Variants in UBAP2 observed in about 807,000 individuals in gnomAD.
UBAP2 encodes the protein ubiquitin-associated protein 2.
In UBAP2, 75 loss-of-function variants were observed where a neutral mutation model predicts 139.6. The observed-to-expected ratio is 0.54, with a 90% CI of 0.45 to 0.65. The LOEUF is 0.65. UBAP2 is among the 30% of genes least tolerant of loss of function. The probability of loss-of-function intolerance (pLI) is 0.00; values close to 1 mark genes in which losing one functional copy is unlikely to be tolerated. For synonymous variants in UBAP2, 526 were observed against 526.2 expected, an observed-to-expected ratio of 1.00 and a Z score of 0.01; for missense variants, 1,368 against 1,369.6, an observed-to-expected ratio of 1.00 and a Z score of 0.02.
intron 2 of UBAP2, among the ~76,000 whole-genome samples, chr9:34,003,314 C>A (rs915711095): frequency 1.3e-5 from 2 of 150,620 alleles, no homozygotes; most frequent in Admixed American, 1.3e-4. Flanking sequence ...TACAGGTATG[C>A]ACCACTGTGG....
intron 1 of UBAP2, among the ~76,000 whole-genome samples, chr9:34,032,569 T>C (rs944731812): frequency 1.3e-5 from 2 of 152,142 alleles, no homozygotes; most frequent in Non-Finnish European, 2.9e-5. Flanking sequence ...ACAAGTTCAA[T>C]AAAACAATTT....
rs1820187613 is a variant in UBAP2, at chr9:33,977,013, G to GA, written c.521-3777dup. On this transcript the variant is annotated intron_variant, in intron 6 of 28. Coordinates refer to ENST00000379238, the MANE Select transcript of UBAP2 (RefSeq NM_001370062.2). ...GGTGACAAAGTAAGACTCGGTCTTG[G>GA]AAAAAACAAAAACAGTTGTTTTTTA... 4.8e-5 allele frequency among the ~76,000 whole-genome samples: 7 copies of GA among 146,820 alleles called. No homozygotes were observed. In the South Asian group the frequency reaches 1.5e-3, roughly 32 times the overall value.
intron 10 of UBAP2, among the ~76,000 whole-genome samples, chr9:33,957,841 T>C (rs542071358): frequency 6.6e-6 from 1 of 152,142 alleles, no homozygotes; most frequent in Non-Finnish European, 1.5e-5. Context: ...GAGGAGACAG[T>C]AGGTGTTCAT....
rs1005284313 is a variant in UBAP2, at chr9:33,989,043, G to A, written c.372C>T (p.Ser124=). 7 of 1,613,318 alleles carry A rather than the reference G, an allele frequency of 4.3e-6. No homozygotes were observed. The highest frequency in any genetic ancestry group is 4.0e-5 in the African/African-American group (3 of 74,786). ...SENKENREKK[S]EKESSRGRGN... ...CACGTCCACGACTCGATTCTTTCTC[G>A]CTTTTCTTCTCTCTATTCTCTTTGT... The change falls in exon 5 of 29, where the codon AGC becomes AGT. Residue 124 remains serine, a synonymous_variant. Transcript: ENST00000379238.
intron 16 of UBAP2, among the ~76,000 whole-genome samples, chr9:33,937,210 A>C (rs1472775260): frequency 6.6e-6 from 1 of 152,198 alleles, no homozygotes; most frequent in Non-Finnish European, 1.5e-5. Context: ...TGGAAAATCA[A>C]CAAGTAGCAA....
At chr9:34,013,132 A>C (rs912694670) in intron 2 of UBAP2, among the ~76,000 whole-genome samples, 1 of 147,324 alleles carries the variant, frequency 6.8e-6, no homozygotes, top group African/African-American at 2.6e-5. Flanking sequence ...CAGCCTGGGC[A>C]ACAGAGTGAG....
At chr9:34,026,695 T>C (rs1825426559) in intron 1 of UBAP2, among the ~76,000 whole-genome samples, 1 of 152,184 alleles carries the variant, frequency 6.6e-6, no homozygotes, top group Non-Finnish European at 1.5e-5. Flanking sequence ...CAGTATTAAG[T>C]CACTAATCTT....
At chr9:33,987,005 A>G (rs1821275068) in intron 5 of UBAP2, among the ~76,000 whole-genome samples, 168 bp from the exon 6 acceptor site, 2 of 152,198 alleles carry the variant, frequency 1.3e-5, no homozygotes, top group Non-Finnish European at 2.9e-5. Flanking sequence ...AAACTGAATG[A>G]GGTCAGGCAC....
chr9:34,004,801 A>G (rs952749303), intron 2 of UBAP2, among the ~76,000 whole-genome samples: 2 of 149,484 alleles, frequency 1.3e-5, no homozygotes, highest in East Asian at 2.0e-4. Context: ...AAAAATAGGG[A>G]AAAAAAAAGT....
At chr9:33,938,742 G>A (rs1252834132) in intron 16 of UBAP2, among the ~76,000 whole-genome samples, 7 of 145,234 alleles carry the variant, frequency 4.8e-5, no homozygotes, top group Non-Finnish European at 8.9e-5. Flanking sequence ...GTTGGAGTGA[G>A]CCAAGATCAC....
At chr9:34,045,324 C>A (rs868573997) in intron 1 of UBAP2, among the ~76,000 whole-genome samples, 13 of 143,700 alleles carry the variant, frequency 9.0e-5, no homozygotes, top group African/African-American at 2.9e-4. Context: ...CCAATTTGGG[C>A]AACAGTGAGA....
At chr9:33,959,098 A>T (rs537428382) in intron 10 of UBAP2, among the ~76,000 whole-genome samples, 1 of 152,206 alleles carries the variant, frequency 6.6e-6, no homozygotes, top group Non-Finnish European at 1.5e-5. Flanking sequence ...CAGTGAGCCA[A>T]GATCGTGCCT....
intron 2 of UBAP2, among the ~76,000 whole-genome samples, chr9:33,999,833 C>T (rs1156831766): frequency 6.6e-6 from 1 of 151,774 alleles, no homozygotes; most frequent in African/African-American, 2.4e-5. Flanking sequence ...CCTCAGCCTC[C>T]AGAGTAGCTG....
intron 6 of UBAP2, among the ~76,000 whole-genome samples, chr9:33,975,121 T>TA (rs1237563983): frequency 4.6e-5 from 7 of 151,260 alleles, no homozygotes; most frequent in South Asian, 2.1e-4. Flanking sequence ...AAAATTAAAG[T>TA]AAAAAAACAG....
In UBAP2 at chr9:33,923,026, T is replaced by C; in HGVS notation, c.3012A>G (p.Ser1004=). ...SAGSGPGKGV[S]VSSSTTGLPD... ...GTAGACCAGTGGTGCTTGAAGACACTGATACTCCTAGGAGGAAAAGCAGTT... is the reference window on the plus strand; with the variant it reads ...GTAGACCAGTGGTGCTTGAAGACACCGATACTCCTAGGAGGAAAAGCAGTT... The change falls in exon 27 of 29, where the codon TCA becomes TCG. Residue 1004 remains serine (S), a synonymous_variant. Transcript: ENST00000379238. The C allele has an allele frequency of 6.2e-7, 1 of 1,614,118 alleles. No homozygotes were observed. The highest frequency in any genetic ancestry group is 1.3e-5 in the African/African-American group (1 of 75,036).
At chr9:33,962,461 T>C (rs1265883703) in intron 9 of UBAP2, among the ~76,000 whole-genome samples, 2 of 151,248 alleles carry the variant, frequency 1.3e-5, no homozygotes, top group African/African-American at 2.4e-5. Context: ...GCCTGGTCAA[T>C]ATGATGAAAC....
intron 8 of UBAP2, among the ~76,000 whole-genome samples, chr9:33,969,867 C>A (rs545550342): frequency 1.3e-5 from 2 of 149,060 alleles, no homozygotes; most frequent in South Asian, 2.1e-4. Flanking sequence ...ACCTCAAACA[C>A]CCCCCCACCC....
Position 34,014,719 on chromosome 9 carries a change from C to T in UBAP2, c.99+2331G>A, listed in dbSNP as rs180858035. 2.8e-5 allele frequency among the ~76,000 whole-genome samples: 4 copies of T among 143,070 alleles called. No individual in the cohort carries two copies. In the East Asian group the frequency reaches 8.6e-4, roughly 31 times the overall value. 93.9% of individuals were successfully genotyped at this position (143,070 alleles called of 152,430 possible). Reference sequence around the variant, plus strand: ...CTGAGGCAAGAGAATCACTTGAACCCGGGAAGTGGAGGTTGGAGTGAGCCG... The same window carrying T: ...CTGAGGCAAGAGAATCACTTGAACCTGGGAAGTGGAGGTTGGAGTGAGCCG... On this transcript the variant is annotated intron_variant, in intron 2 of 28. Coordinates refer to ENST00000379238, the MANE Select transcript of UBAP2 (RefSeq NM_001370062.2).
At chr9:34,006,010 C>G (rs1447174492) in intron 2 of UBAP2, among the ~76,000 whole-genome samples, 1 of 151,912 alleles carries the variant, frequency 6.6e-6, no homozygotes, top group Non-Finnish European at 1.5e-5. Flanking sequence ...GCGGGCAGAT[C>G]ACTTGAGGTC....
Sources: gnomAD v4.1 joint callset for allele counts (sites outside exome capture counted in the v4.1 genomes callset) on GRCh38, gnomAD v4.1.1 for gene constraint, MANE v1.5 for transcripts, NCBI Gene and HGNC (gene_info 2026-07-23, HGNC 2026-07-21) for gene names.